The following TBC1D4 variants were observed in gnomAD, a reference collection of about 807,000 sequenced individuals.
TBC1D4 encodes the protein TBC1 domain family member 4.
TBC1D4 carries 121 observed loss-of-function variants against 142.5 expected under a neutral mutation model. The ratio of observed to expected loss-of-function variants is 0.85; its 90% CI spans 0.73 to 0.99. TBC1D4 has a LOEUF of 0.99. Ranked by LOEUF, TBC1D4 falls within the 50% of genes least tolerant of loss-of-function variation. The probability of loss-of-function intolerance (pLI) is 0.00; values close to 1 mark genes in which losing one functional copy is unlikely to be tolerated. For missense variants in TBC1D4, 1,475 were observed against 1,606.6 expected (o/e 0.92, Z 1.40); for synonymous variants, 630 against 628.2 (o/e 1.00, Z -0.04).
Position 75,336,955 on chromosome 13 carries a change from G to T in TBC1D4, c.1697C>A (p.Ser566Tyr), listed in dbSNP as rs1405124932. 1.9e-6 allele frequency: 3 copies of T among 1,613,402 alleles called. No individual in the cohort carries two copies. The change falls in exon 8 of 21, where the codon TCC (serine) becomes TAC (tyrosine). Residue 566 changes from serine to tyrosine, a missense_variant. This residue lies in a region of TBC1D4 where 1,227 missense variants were observed against 1,267.7 expected (regional missense o/e 0.97). Transcript: ENST00000377636. Reference sequence around the variant, plus strand: ...GATATTTTCCAGGGAGCTAGTTAAGGATCTCTTAGCTTTATTTTTCAGAAT... The same window carrying T: ...GATATTTTCCAGGGAGCTAGTTAAGTATCTCTTAGCTTTATTTTTCAGAAT... ...LDILKNKAKR[S>Y]LTSSLENIFS... is the part of the protein sequence containing the mutation.
In TBC1D4 at chr13:75,306,157, A is replaced by G. The variant is rs189325799; in HGVS notation, c.2752+156T>C. Among the ~76,000 whole-genome samples the G allele has an allele frequency of 1.5e-3, 233 of 152,338 alleles. 1 individual carries two copies. Among genetic ancestry groups the G allele is most frequent in the Non-Finnish European group, 3.0e-3 (202 of 68,024 alleles). On this transcript the variant is annotated intron_variant, in intron 15 of 20. Transcript: ENST00000377636. ...CTACCTCCTCAGAGACAGTCACTAAACTACAGGAAGAAACAAATTACTTCT... is the reference window on the plus strand; with the variant it reads ...CTACCTCCTCAGAGACAGTCACTAAGCTACAGGAAGAAACAAATTACTTCT...
intron 1 of TBC1D4, among the ~76,000 whole-genome samples, chr13:75,433,858 T>C (rs1385393011): frequency 2.0e-5 from 3 of 152,090 alleles, no homozygotes; most frequent in Admixed American, 2.0e-4. Flanking sequence ...GCAAAGGACA[T>C]GAACAGACAC....
chr13:75,301,371 G>C (rs974771246), intron 16 of TBC1D4, among the ~76,000 whole-genome samples: 1 of 152,148 alleles, frequency 6.6e-6, no homozygotes. Flanking sequence ...GCTGGGCACG[G>C]TGGCTCATGC....
rs753705307 is a variant in TBC1D4, at chr13:75,362,645, G to A, written c.499-38C>T. ...ATTAAAACCCTGATTCTAGTTGAAA[G>A]TTTTGAGACAATTTACATTTACCTA... is the stretch of plus-strand genomic sequence containing the variant. On this transcript the variant is annotated intron_variant, in intron 1 of 20. Transcript: ENST00000377636. This position sits in a 1 kb window ranked among gnomAD's most constrained non-coding sequence, Gnocchi z 4.2. 6.8e-6 allele frequency: 11 copies of A among 1,608,388 alleles called. No homozygotes were observed. The highest frequency in any genetic ancestry group is 9.3e-6 in the Non-Finnish European group (11 of 1,177,128).
Position 75,477,309 on chromosome 13 carries a change from A to G in TBC1D4, c.498+3961T>C, listed in dbSNP as rs79447491. On this transcript the variant is annotated intron_variant, in intron 1 of 20. Coordinates refer to ENST00000377636, the MANE Select transcript of TBC1D4 (RefSeq NM_014832.5). ...ATTGACAAAAAAACTGGTTACGTGA[A>G]TAAAGCTCAGATAGTAATACACGTT... 5.4e-3 allele frequency among the ~76,000 whole-genome samples: 824 copies of G among 152,342 alleles called. 14 individuals are homozygous for G. The highest frequency in any genetic ancestry group is 0.019 in the African/African-American group (796 of 41,574).
intron 5 of TBC1D4, among the ~76,000 whole-genome samples, chr13:75,343,594 C>T (rs887595599): frequency 2.0e-5 from 3 of 151,572 alleles, no homozygotes; most frequent in Non-Finnish European, 4.4e-5. Context: ...CTCGACTCAC[C>T]GCAACTTCCT....
chr13:75,417,587 A>G (rs895594618), intron 1 of TBC1D4, among the ~76,000 whole-genome samples: 5 of 152,210 alleles, frequency 3.3e-5, no homozygotes, highest in Non-Finnish European at 1.5e-5. Context: ...GACCTTCATC[A>G]TGGAGAACAG....
intron 8 of TBC1D4, among the ~76,000 whole-genome samples, chr13:75,332,601 G>A (rs371655722): frequency 1.3e-5 from 2 of 151,966 alleles, no homozygotes; most frequent in African/African-American, 4.8e-5. Flanking sequence ...ACCCCACCCC[G>A]AGAGTTTCTG....
intron 1 of TBC1D4, among the ~76,000 whole-genome samples, chr13:75,449,528 C>T (rs1186244695): frequency 9.7e-6 from 1 of 103,540 alleles, no homozygotes; most frequent in East Asian, 3.2e-4. Context: ...GAAAGTGAAA[C>T]TGCAACACAC....
At chr13:75,429,103 T>C (rs1470948410) in intron 1 of TBC1D4, among the ~76,000 whole-genome samples, 1 of 152,236 alleles carries the variant, frequency 6.6e-6, no homozygotes, top group East Asian at 1.9e-4. Flanking sequence ...TGAGTAACTT[T>C]TTTGGTGTTT....
intron 8 of TBC1D4, among the ~76,000 whole-genome samples, chr13:75,332,652 TA>T (rs1879851344): frequency 1.3e-5 from 2 of 152,310 alleles, no homozygotes; most frequent in Admixed American, 6.5e-5. Flanking sequence ...TTTACTAATT[TA>T]TAAATTTTGA....
At chr13:75,463,843 G>T (rs1368147354) in intron 1 of TBC1D4, among the ~76,000 whole-genome samples, 1 of 152,008 alleles carries the variant, frequency 6.6e-6, no homozygotes, top group Non-Finnish European at 1.5e-5. Flanking sequence ...ATTGGTAAAT[G>T]GTCCCAAATC....
chr13:75,481,735 C>A lies in TBC1D4; in HGVS notation c.33G>T (p.Pro11=). 1.9e-6 allele frequency: 3 copies of A among 1,593,664 alleles called. No individual in the cohort carries two copies. The highest frequency in any genetic ancestry group is 2.6e-6 in the Non-Finnish European group (3 of 1,173,012). The change falls in exon 1 of 21, where the codon CCG becomes CCT. Residue 11 remains proline, a synonymous_variant. Transcript: ENST00000377636. MEPPSCIQDE[P]FPHPLEPEPG... ...GCTCGGGCTCCAGGGGGTGCGGGAA[C>A]GGCTCATCCTGAATGCAGCTGGGCG...
At chr13:75,448,782 A>G (rs1887406800) in intron 1 of TBC1D4, among the ~76,000 whole-genome samples, 1 of 152,020 alleles carries the variant, frequency 6.6e-6, no homozygotes, top group Non-Finnish European at 1.5e-5. Context: ...TGAGAAAGTA[A>G]ATCAATATAT....
chr13:75,448,099 CA>C (rs1251361482), intron 1 of TBC1D4, among the ~76,000 whole-genome samples: 2 of 152,098 alleles, frequency 1.3e-5, no homozygotes, highest in Admixed American at 1.3e-4. Flanking sequence ...TTCCTGGTGC[CA>C]AAAAGGTTGG....
chr13:75,449,282 ATTG>A (rs1887428916), intron 1 of TBC1D4, among the ~76,000 whole-genome samples: 1 of 151,870 alleles, frequency 6.6e-6, no homozygotes, highest in Non-Finnish European at 1.5e-5. Context: ...ACATATATAT[ATTG>A]AACCATATGT....
At chr13:75,355,520 A>C (rs1285476815) in intron 4 of TBC1D4, among the ~76,000 whole-genome samples, 2 of 152,230 alleles carry the variant, frequency 1.3e-5, no homozygotes, top group African/African-American at 4.8e-5. Flanking sequence ...GGAAAGCAAC[A>C]TCAGTTCTCT....
chr13:75,321,481 T>C (rs1878782053), intron 11 of TBC1D4, among the ~76,000 whole-genome samples: 3 of 151,998 alleles, frequency 2.0e-5, no homozygotes, highest in Non-Finnish European at 4.4e-5. Context: ...ATAAAACAAA[T>C]GTAGCAAAAT....
chr13:75,479,222 CT>C (rs958078235), intron 1 of TBC1D4, among the ~76,000 whole-genome samples: 55 of 152,196 alleles, frequency 3.6e-4, no homozygotes, highest in African/African-American at 1.3e-3. Flanking sequence ...ACATCTGGCC[CT>C]TCAAATTAAT....
Sources: gnomAD v4.1 joint callset for allele counts (sites outside exome capture counted in the v4.1 genomes callset) on GRCh38, gnomAD v4.1.1 for gene constraint, gnomAD v4.1.1 regional missense constraint, Gnocchi (gnomAD v3.1) non-coding constraint, MANE v1.5 for transcripts, NCBI Gene and HGNC (gene_info 2026-07-23, HGNC 2026-07-21) for gene names.